CCDC102B: variants seen among roughly 807,000 people sequenced by gnomAD.
The protein encoded by CCDC102B is coiled-coil domain containing 102B, also known as coiled-coil domain-containing protein 102B.
In CCDC102B, 75 loss-of-function variants were observed where a neutral mutation model predicts 57.4. The ratio of observed to expected loss-of-function variants is 1.31; its 90% confidence interval spans 1.08 to 1.58. CCDC102B has a LOEUF of 1.58. Ranked by LOEUF, CCDC102B falls within the 40% of genes most tolerant of loss-of-function variation. The probability of loss-of-function intolerance (pLI) is 0.00; values close to 1 mark genes in which losing one functional copy is unlikely to be tolerated. For missense variants in CCDC102B, 636 were observed against 582.6 expected (o/e 1.09, Z -0.94); for synonymous variants, 206 against 201.9 (o/e 1.02, Z -0.17).
At chr18:68,966,190 C>T (rs2145244389) in intron 6 of CCDC102B, among the ~76,000 whole-genome samples, 1 of 152,120 alleles carries the variant, frequency 6.6e-6, no homozygotes, top group African/African-American at 2.4e-5. Context: ...TCTAGTGACC[C>T]ATCTTCAAGT....
intron 4 of CCDC102B, among the ~76,000 whole-genome samples, chr18:68,872,878 G>A (rs533941875): frequency 1.1e-4 from 17 of 151,942 alleles, no homozygotes; most frequent in Non-Finnish European, 1.9e-4. Flanking sequence ...ATTTGGTGTG[G>A]GTTTCCTTTG....
chr18:69,031,044 T>A (rs1036142902), intron 7 of CCDC102B, among the ~76,000 whole-genome samples: 1 of 152,204 alleles, frequency 6.6e-6, no homozygotes, highest in African/African-American at 2.4e-5. Flanking sequence ...AACAGAGAAA[T>A]CCATATAAAT....
chr18:69,020,655 C>T (rs554889812), intron 7 of CCDC102B, among the ~76,000 whole-genome samples: 12 of 152,068 alleles, frequency 7.9e-5, no homozygotes, highest in African/African-American at 2.7e-4. Flanking sequence ...ATTTTTGCAC[C>T]AACCTGATAA....
At position 69,007,567 on chromosome 18, in the gene CCDC102B, TG is replaced by T. The variant is rs1245246989; in HGVS notation, c.1264-3365del. Among the ~76,000 whole-genome samples, 28 of 152,338 alleles carry T rather than the reference TG, an allele frequency of 1.8e-4. No individual in the cohort carries two copies. The East Asian group carries it at 3.9e-3, about 21-fold the overall frequency. The stretch of plus-strand genomic sequence containing the variant: ...TTATACCAATGGTTCTCAAACTTTA[TG>T]GTGAATCAGAAACACCTTGAGGACT... On this transcript the variant is annotated intron_variant, in intron 6 of 7. Transcript: ENST00000360242.
rs1382199383 is a variant in CCDC102B, at chr18:68,860,472, AAAC to A, written c.936+14054_936+14056del. ...TATAATTAAAAAAAAACAAAAACAA[AAAC>A]AAAAAAAAAAAAAGACACTACAGGA... On this transcript the variant is annotated intron_variant, in intron 4 of 7. Transcript: ENST00000360242. 6.8e-3 allele frequency among the ~76,000 whole-genome samples: 565 copies of A among 82,732 alleles called. 13 individuals are homozygous for A. Among genetic ancestry groups the A allele is most frequent in the Non-Finnish European group, 0.013 (419 of 33,012 alleles). The allele number at this position is 82,732 out of a possible 152,430, so 54.3% of individuals were successfully genotyped here.
rs577897791 is a variant in CCDC102B at position 68,972,814 on chromosome 18, A to G, written c.1264-38120A>G. Among the ~76,000 whole-genome samples, 48 of 152,270 alleles carry G rather than the reference A, an allele frequency of 3.2e-4. 1 individual carries two copies. The highest frequency in any genetic ancestry group is 2.6e-3 in the Admixed American group (39 of 15,292). ...TTTTGCTCTTCATTTTTAAAGTATT[A>G]TCTTTCTCCTTCATCTAATTGTTTT... On this transcript the variant is annotated intron_variant, in intron 6 of 7. Coordinates refer to ENST00000360242, the MANE Select transcript of CCDC102B (RefSeq NM_024781.3).
At chr18:68,872,995 C>T (rs1461891021) in intron 4 of CCDC102B, among the ~76,000 whole-genome samples, 1 of 152,100 alleles carries the variant, frequency 6.6e-6, no homozygotes, top group Non-Finnish European at 1.5e-5. Flanking sequence ...ATTTAATTCC[C>T]TGTAGTTTAA....
At chr18:69,034,766 T>C (rs936718397) in intron 7 of CCDC102B, among the ~76,000 whole-genome samples, 2 of 151,210 alleles carry the variant, frequency 1.3e-5, no homozygotes, top group African/African-American at 4.8e-5. Context: ...TGTATATATA[T>C]ACACACACAC....
chr18:68,972,544 A>T (rs1012570725), intron 6 of CCDC102B, among the ~76,000 whole-genome samples: 1 of 152,136 alleles, frequency 6.6e-6, no homozygotes, highest in Non-Finnish European at 1.5e-5. Flanking sequence ...CGATGGGGAA[A>T]ATGTTTGTTA....
chr18:68,740,690 G>A (rs907971464), intron 2 of CCDC102B, among the ~76,000 whole-genome samples: 5 of 152,110 alleles, frequency 3.3e-5, no homozygotes, highest in Admixed American at 1.3e-4. Context: ...GTGCTGCCTC[G>A]GACGGGACGG....
chr18:68,815,580 G>A (rs1426058481), intron 1 of CCDC102B, among the ~76,000 whole-genome samples: 1 of 151,866 alleles, frequency 6.6e-6, no homozygotes, highest in Non-Finnish European at 1.5e-5. Context: ...ATTAACCAGA[G>A]CATGGGAACA....
At chr18:68,789,454 C>T (rs1234365433) in intron 2 of CCDC102B, among the ~76,000 whole-genome samples, 1 of 152,204 alleles carries the variant, frequency 6.6e-6, no homozygotes, top group East Asian at 1.9e-4. Flanking sequence ...CTCCCCATCG[C>T]TTTCAGGTAC....
chr18:68,917,265 C>G (rs978645087), intron 6 of CCDC102B, among the ~76,000 whole-genome samples: 2 of 151,980 alleles, frequency 1.3e-5, no homozygotes, highest in Non-Finnish European at 1.5e-5. Flanking sequence ...CAATGAGGTT[C>G]TGGGGCTCCC....
intron 6 of CCDC102B, among the ~76,000 whole-genome samples, chr18:68,917,899 A>AC (rs1412449001): frequency 1.3e-5 from 2 of 152,180 alleles, no homozygotes; most frequent in African/African-American, 2.4e-5. Flanking sequence ...CTGGAAATAA[A>AC]CATCATTTTT....
intron 6 of CCDC102B, among the ~76,000 whole-genome samples, chr18:68,947,630 T>C (rs1340379396): frequency 6.6e-6 from 1 of 152,106 alleles, no homozygotes; most frequent in Non-Finnish European, 1.5e-5. Context: ...TCATAAGTAG[T>C]AGGCAAATTC....
chr18:68,930,018 G>C (rs1349905921), intron 6 of CCDC102B, among the ~76,000 whole-genome samples: 2 of 151,472 alleles, frequency 1.3e-5, no homozygotes, highest in African/African-American at 4.8e-5. Flanking sequence ...ATTTTTGTTT[G>C]TGTGTTTTTT....
At chr18:68,756,658 T>C (rs146796231) in intron 2 of CCDC102B, among the ~76,000 whole-genome samples, 1 of 152,276 alleles carries the variant, frequency 6.6e-6, no homozygotes, top group African/African-American at 2.4e-5. Flanking sequence ...GTACAAAATG[T>C]GTACAGCTAT....
intron 7 of CCDC102B, among the ~76,000 whole-genome samples, chr18:69,051,947 A>T (rs916897663): frequency 3.9e-5 from 6 of 151,970 alleles, no homozygotes; most frequent in Non-Finnish European, 7.4e-5. Flanking sequence ...AAAATACAGA[A>T]TAACATTTTT....
intron 7 of CCDC102B, among the ~76,000 whole-genome samples, chr18:69,020,721 A>G (rs577071216): frequency 4.6e-5 from 7 of 152,330 alleles, no homozygotes; most frequent in Admixed American, 1.3e-4. Flanking sequence ...CACAGTCAAC[A>G]TGCAAATAAT....
Sources: allele counts gnomAD v4.1 joint callset (sites outside exome capture counted in the v4.1 genomes callset), GRCh38; gene constraint gnomAD v4.1.1; transcripts MANE v1.5; gene names NCBI Gene and HGNC (gene_info 2026-07-23, HGNC 2026-07-21).